EBF1: variants seen among roughly 807,000 people sequenced by gnomAD.
EBF1 encodes transcription factor COE1.
EBF1 carries 10 observed loss-of-function variants against 68.4 expected under a neutral mutation model. The observed-to-expected ratio is 0.15, with a 90% CI of 0.09 to 0.25. EBF1 has a LOEUF of 0.25. Ranked by LOEUF, EBF1 falls within the 10% of genes least tolerant of loss-of-function variation. EBF1 has a pLI of 1.00. For missense variants in EBF1, 509 were observed against 794.4 expected, an observed-to-expected ratio of 0.64 and a Z score of 4.32; for synonymous variants, 298 against 299.8, an observed-to-expected ratio of 0.99 and a Z score of 0.06.
rs553460640 is a variant in EBF1 at position 158,845,954 on chromosome 5, A to G, written c.555-5844T>C. On this transcript the variant is annotated intron_variant, in intron 6 of 15. Transcript: ENST00000313708. ...GCAGGTTGAGTTTTTACCTCCCCCA[A>G]CCCAAATTCTGAAAAATCACGTTTG... is the stretch of plus-strand genomic sequence containing the variant. Among the ~76,000 whole-genome samples the G allele has an allele frequency of 2.0e-5, 3 of 152,280 alleles. No individual in the cohort carries two copies. In the South Asian group the frequency reaches 6.2e-4, roughly 32 times the overall value.
chr5:158,864,014 C>T (rs1010224220), intron 6 of EBF1, among the ~76,000 whole-genome samples: 2 of 151,280 alleles, frequency 1.3e-5, no homozygotes, highest in African/African-American at 4.9e-5. Context: ...GGTGGATTAC[C>T]TGAGGTCAGG....
intron 15 of EBF1, among the ~76,000 whole-genome samples, chr5:158,701,220 G>A (rs539071308): frequency 1.9e-3 from 294 of 152,144 alleles, no homozygotes; most frequent in Non-Finnish European, 2.8e-3. Flanking sequence ...TGGCATTAAA[G>A]AGCAGTTCCC....
intron 4 of EBF1, among the ~76,000 whole-genome samples, chr5:159,092,152 C>A: frequency 6.6e-6 from 1 of 152,132 alleles, no homozygotes; most frequent in Admixed American, 6.5e-5. Context: ...CCACTGGATT[C>A]ATTTGAGCTT....
chr5:159,099,451 G>T lies in EBF1; in HGVS notation c.28C>A (p.Arg10=), dbSNP rs1783246218. The change falls in exon 1 of 16, where the codon CGG becomes AGG. Residue 10 remains arginine (R), a synonymous_variant. Transcript: ENST00000313708. The part of the protein sequence containing the change: MFGIQESIQ[R]SGSSMKEEPL... ...TCTTCCTTCATGCTGCTTCCACTCCGTTGGATGCTTTCCTGAATCCCAAAC... is the reference window on the plus strand; with the variant it reads ...TCTTCCTTCATGCTGCTTCCACTCCTTTGGATGCTTTCCTGAATCCCAAAC... The T allele has an allele frequency of 1.9e-6, 3 of 1,592,380 alleles. No individual in the cohort carries two copies. Among genetic ancestry groups the T allele is most frequent in the South Asian group, 2.2e-5 (2 of 89,380 alleles).
At chr5:158,774,640 G>T (rs951533423) in intron 10 of EBF1, among the ~76,000 whole-genome samples, 1 of 152,122 alleles carries the variant, frequency 6.6e-6, no homozygotes, top group Non-Finnish European at 1.5e-5. Context: ...CATTTGCAAT[G>T]ATCTGAGCAG....
At chr5:158,825,064 G>T (rs1420231206) in intron 7 of EBF1, among the ~76,000 whole-genome samples, 2 of 152,168 alleles carry the variant, frequency 1.3e-5, no homozygotes, top group Non-Finnish European at 2.9e-5. Flanking sequence ...TCATTTGGGG[G>T]ATGACATGTA....
At chr5:158,880,200 C>T (rs930566864) in intron 6 of EBF1, among the ~76,000 whole-genome samples, 2 of 152,142 alleles carry the variant, frequency 1.3e-5, no homozygotes, top group Non-Finnish European at 2.9e-5. Flanking sequence ...GAGAAGATCC[C>T]ACAAGTTTCC....
intron 8 of EBF1, among the ~76,000 whole-genome samples, chr5:158,797,282 G>A (rs1468852815): frequency 6.6e-6 from 1 of 152,196 alleles, no homozygotes; most frequent in Non-Finnish European, 1.5e-5. Context: ...TGTTTAATGA[G>A]CATGGCATAC....
intron 6 of EBF1, among the ~76,000 whole-genome samples, chr5:158,871,152 T>G (rs891922698): frequency 3.3e-5 from 5 of 152,184 alleles, no homozygotes; most frequent in Non-Finnish European, 7.3e-5. Context: ...ATCAGATAAG[T>G]GAGGTGCTCA....
At chr5:158,874,287 G>A (rs1234874996) in intron 6 of EBF1, among the ~76,000 whole-genome samples, 1 of 152,132 alleles carries the variant, frequency 6.6e-6, no homozygotes, top group African/African-American at 2.4e-5. Context: ...AAAAAAGAGA[G>A]AGGAGATACA....
rs140882557 is a variant in EBF1, at chr5:158,858,023, T to C, written c.555-17913A>G. 4.3e-4 allele frequency among the ~76,000 whole-genome samples: 66 copies of C among 152,246 alleles called. 1 individual carries two copies. In the East Asian group the frequency reaches 0.01, roughly 24 times the overall value. On this transcript the variant is annotated intron_variant, in intron 6 of 15. Transcript: ENST00000313708. ...GTGTTAAAACTTTTTCTCCCTCTCC[T>C]CCATTTAAGTGGCTAGACTTTATTC...
At chr5:158,909,929 C>T (rs753726618) in intron 6 of EBF1, among the ~76,000 whole-genome samples, 48 of 119,818 alleles carry the variant, frequency 4.0e-4, no homozygotes, top group Non-Finnish European at 6.5e-4. Context: ...TGCACTCCAG[C>T]CTGGTGACAG....
intron 9 of EBF1, among the ~76,000 whole-genome samples, chr5:158,794,146 G>A (rs1779193364): frequency 6.6e-6 from 1 of 152,168 alleles, no homozygotes; most frequent in Non-Finnish European, 1.5e-5. Flanking sequence ...CACGAAAGCA[G>A]GGGCTGGACA....
At chr5:158,879,903 T>C (rs1798551385) in intron 6 of EBF1, among the ~76,000 whole-genome samples, 1 of 152,128 alleles carries the variant, frequency 6.6e-6, no homozygotes, top group Non-Finnish European at 1.5e-5. Context: ...TCTCTCTCTC[T>C]CCCGAACCAG....
intron 15 of EBF1, among the ~76,000 whole-genome samples, chr5:158,701,937 C>A (rs1397756730): frequency 6.6e-6 from 1 of 152,148 alleles, no homozygotes; most frequent in Non-Finnish European, 1.5e-5. Context: ...TGCTGAGTAT[C>A]CTCATGGGGA....
chr5:158,746,594 T>C (rs13159597), intron 10 of EBF1, among the ~76,000 whole-genome samples: 1 of 152,166 alleles, frequency 6.6e-6, no homozygotes, highest in Non-Finnish European at 1.5e-5. Flanking sequence ...AAACTGAATC[T>C]TGCATTTCTC....
At chr5:158,717,818 T>C (rs2127504981) in intron 11 of EBF1, among the ~76,000 whole-genome samples, 1 of 152,274 alleles carries the variant, frequency 6.6e-6, no homozygotes, top group Admixed American at 6.5e-5. Context: ...GCTTTACTCC[T>C]TAAAAACAAC....
At chr5:158,700,392 G>C (rs963440044) in intron 15 of EBF1, among the ~76,000 whole-genome samples, 6 of 152,198 alleles carry the variant, frequency 3.9e-5, no homozygotes, top group East Asian at 1.9e-4. Flanking sequence ...GTCAGGCAGA[G>C]AGAGTCATTG....
chr5:158,707,885 A>G, intron 15 of EBF1, 94 bp downstream of exon 15: 1 of 1,401,162 alleles, frequency 7.1e-7, no homozygotes, highest in Non-Finnish European at 9.7e-7. Context: ...CCCAAGGCTG[A>G]TACCCTCAGC....
Sources: allele counts gnomAD v4.1 joint callset (sites outside exome capture counted in the v4.1 genomes callset), GRCh38; gene constraint gnomAD v4.1.1; transcripts MANE v1.5; gene names NCBI Gene and HGNC (gene_info 2026-07-23, HGNC 2026-07-21).